TECR: variants seen among roughly 807,000 people sequenced by gnomAD.
TECR encodes the protein very-long-chain enoyl-CoA reductase.
In TECR, 19 loss-of-function variants were observed where a neutral mutation model predicts 50.6. The observed-to-expected ratio is 0.38, with a 90% CI of 0.26 to 0.55. The LOEUF (loss-of-function observed/expected upper bound fraction) is 0.55, where lower values mean the gene tolerates loss of function less well. Among genes scored for constraint, TECR ranks in the 20% least tolerant of loss-of-function variants. The pLI, the probability that TECR is intolerant of heterozygous loss-of-function variation, is 0.79. For synonymous variants in TECR, 168 were observed against 163.5 expected (o/e 1.03, Z -0.21); for missense variants, 313 against 408.3 (o/e 0.77, Z 2.01).
At chr19:14,564,419 G>A (rs2074000912) in intron 7 of TECR, 132 bp downstream of exon 7, 2 of 726,776 alleles carry the variant, frequency 2.8e-6, no homozygotes, top group Non-Finnish European at 4.5e-6. Context: ...CCTAGGCCCC[G>A]CCTAACCTCC....
intron 1 of TECR, among the ~76,000 whole-genome samples, chr19:14,533,204 T>C (rs1480752727): frequency 6.6e-6 from 1 of 152,106 alleles, no homozygotes; most frequent in South Asian, 2.1e-4. Context: ...GCAAATCATG[T>C]GAGGTCAGGA....
chr19:14,558,374 C>T (rs1054764448), intron 1 of TECR, among the ~76,000 whole-genome samples: 2 of 152,204 alleles, frequency 1.3e-5, no homozygotes, highest in Non-Finnish European at 2.9e-5. Context: ...CGGCACTCCC[C>T]TCTGGGCTTG....
chr19:14,565,592 C>T (rs1031856648), intron 11 of TECR, 26 bp from the exon 12 acceptor site: 3 of 1,604,636 alleles, frequency 1.9e-6, no homozygotes, highest in Middle Eastern at 1.7e-4. Flanking sequence ...AGGCTGCCCA[C>T]GCTCACTCTC....
intron 1 of TECR, among the ~76,000 whole-genome samples, chr19:14,559,311 C>T (rs1030716282): frequency 1.3e-5 from 2 of 151,980 alleles, no homozygotes; most frequent in African/African-American, 4.8e-5. Flanking sequence ...GAAAGGAGAC[C>T]GGGTACCCAG....
At chr19:14,532,854 A>T (rs758179763) in intron 1 of TECR, among the ~76,000 whole-genome samples, 4 of 152,224 alleles carry the variant, frequency 2.6e-5, no homozygotes, top group Non-Finnish European at 4.4e-5. Context: ...TCATGCCTGT[A>T]ATCCCAGCAC....
At chr19:14,529,852 G>C in intron 1 of TECR, 141 bp downstream of exon 1, 1 of 1,159,152 alleles carries the variant, frequency 8.6e-7, no homozygotes, top group South Asian at 1.3e-5. Context: ...CAAGCGTTGC[G>C]CCCCGGGCCA....
At chr19:14,564,907 G>C in intron 8 of TECR, 42 bp from the exon 9 acceptor site, 1 of 1,614,016 alleles carries the variant, frequency 6.2e-7, no homozygotes, top group Non-Finnish European at 8.5e-7. Flanking sequence ...CCCACCCAGC[G>C]GGTCCTCCCC....
intron 1 of TECR, among the ~76,000 whole-genome samples, chr19:14,559,886 G>T (rs1211574125): frequency 6.6e-6 from 1 of 152,188 alleles, no homozygotes; most frequent in Non-Finnish European, 1.5e-5. Flanking sequence ...TCTAGGAGGA[G>T]ATGGCCGACG....
chr19:14,536,928 C>T (rs1168781084), intron 1 of TECR, among the ~76,000 whole-genome samples: 2 of 143,834 alleles, frequency 1.4e-5, no homozygotes, highest in Non-Finnish European at 3.0e-5. Context: ...CTACTCACCT[C>T]TGGACCTCTG....
At chr19:14,562,295 C>A (rs2073926950) in intron 1 of TECR, 1 of 630,776 alleles carries the variant, frequency 1.6e-6, no homozygotes. Context: ...CGGCCCAGGG[C>A]TGCTTCCCGT....
At chr19:14,540,970 G>A (rs10402557) in intron 1 of TECR, among the ~76,000 whole-genome samples, 1,529 of 152,016 alleles carry the variant, frequency 0.01, 15 homozygotes, top group South Asian at 0.049. Context: ...GAGTAACTGG[G>A]ACTACAGGCC....
At chr19:14,551,963 CTCTCTCTCTT>C (rs1375370477) in intron 1 of TECR, among the ~76,000 whole-genome samples, 1 of 121,494 alleles carries the variant, frequency 8.2e-6, no homozygotes, top group Non-Finnish European at 1.7e-5. Context: ...CTCTCTCTCT[CTCTCTCTCTT>C]TCTCTCTTTT....
chr19:14,528,138 C>T (rs1286739590), upstream of TECR, among the ~76,000 whole-genome samples: 11 of 152,076 alleles, frequency 7.2e-5, no homozygotes, highest in South Asian at 2.1e-4. Flanking sequence ...CCTGTCTTGG[C>T]CTCCCGAAGT....
rs1288874853 is a variant in TECR, at chr19:14,564,114, G to A, written c.383+17G>A. ...AGTGGTGCAGTAAGTGGGGCAGGTG[G>A]GAGGAGGGTAGGGGAAGGCAGAAGA... On this transcript the variant is annotated intron_variant, in intron 6 of 12. Transcript: ENST00000215567. 2.5e-6 allele frequency: 4 copies of A among 1,609,690 alleles called. No homozygotes were observed. The highest frequency in any genetic ancestry group is 3.4e-6 in the Non-Finnish European group (4 of 1,179,766).
upstream of TECR, chr19:14,529,496 A>C: frequency 1.4e-6 from 1 of 717,984 alleles, no homozygotes; most frequent in Non-Finnish European, 2.5e-6. Flanking sequence ...CTTGGTTCGG[A>C]CCGGCCCCAA....
intron 1 of TECR, among the ~76,000 whole-genome samples, chr19:14,553,528 C>A (rs2146608007): frequency 6.6e-6 from 1 of 152,254 alleles, no homozygotes; most frequent in East Asian, 1.9e-4. Flanking sequence ...GTATTTCTGG[C>A]CGAGCAGGTG....
At chr19:14,551,895 TTCTCTC>T (rs140348006) in intron 1 of TECR, among the ~76,000 whole-genome samples, 1 of 145,168 alleles carries the variant, frequency 6.9e-6, no homozygotes, top group Admixed American at 6.9e-5. Flanking sequence ...TTTCTTTCCT[TTCTCTC>T]TCTCTCTCTC....
At chr19:14,532,303 T>C (rs946799910) in intron 1 of TECR, 2 of 152,094 alleles carry the variant, frequency 1.3e-5, no homozygotes, top group African/African-American at 4.8e-5. Flanking sequence ...CCCAGCACTT[T>C]GGTAGGCTGA....
At chr19:14,559,129 A>C (rs1451383873) in intron 1 of TECR, among the ~76,000 whole-genome samples, 2 of 152,054 alleles carry the variant, frequency 1.3e-5, no homozygotes, top group African/African-American at 2.4e-5. Flanking sequence ...TTTTATTTTG[A>C]TGGGTATGTG....
Sources: gnomAD v4.1 joint callset for allele counts (sites outside exome capture counted in the v4.1 genomes callset) on GRCh38, gnomAD v4.1.1 for gene constraint, MANE v1.5 for transcripts, NCBI Gene and HGNC (gene_info 2026-07-23, HGNC 2026-07-21) for gene names.